CLNK: variants seen among roughly 807,000 people sequenced by gnomAD.
CLNK encodes cytokine dependent hematopoietic cell linker.
Under a neutral mutation model 68.6 loss-of-function variants are expected in CLNK, and 74 were observed. The observed-to-expected ratio is 1.08, with a 90% CI of 0.89 to 1.31. CLNK has a LOEUF of 1.31. Among genes scored for constraint, CLNK ranks in the 50% most tolerant of loss-of-function variants. The pLI is 0.00. For synonymous variants in CLNK, 198 were observed against 172.2 expected, an observed-to-expected ratio of 1.15 and a Z score of -1.17; for missense variants, 553 against 515.3, an observed-to-expected ratio of 1.07 and a Z score of -0.71.
chr4:10,713,188 G>A, the CLNK span, among the ~76,000 whole-genome samples: 1 of 152,146 alleles, frequency 6.6e-6, no homozygotes, highest in Non-Finnish European at 1.5e-5. Context: ...AAAAGTGGTG[G>A]TCACAGAGAT....
intron 3 of CLNK, among the ~76,000 whole-genome samples, chr4:10,585,389 G>A (rs1720933194): frequency 6.6e-6 from 1 of 152,208 alleles, no homozygotes; most frequent in Admixed American, 6.5e-5. Flanking sequence ...GGCAATCACC[G>A]AGTTTTGGCC....
chr4:10,667,879 C>T lies in CLNK; in HGVS notation c.-10G>A. 2 of 1,588,002 alleles carry T rather than the reference C, an allele frequency of 1.3e-6. No homozygotes were observed. The highest frequency in any genetic ancestry group is 1.7e-6 in the Non-Finnish European group (2 of 1,165,494). ...CTTACTGCCTGTTCATAGTTCTTGG[C>T]ACCTGGCGGGTAAGAGGGATCTTCA... is the stretch of plus-strand genomic sequence containing the variant. On this transcript the variant is annotated 5_prime_UTR_variant, in exon 2 of 19. Transcript: ENST00000226951.
At chr4:10,522,852 G>A (rs1718137680) in intron 14 of CLNK, among the ~76,000 whole-genome samples, 1 of 152,210 alleles carries the variant, frequency 6.6e-6, no homozygotes, top group South Asian at 2.1e-4. Flanking sequence ...TCTCAGGAAA[G>A]GCTCTGTGGG....
At chr4:10,705,945 C>T in the CLNK span, among the ~76,000 whole-genome samples, 1 of 152,236 alleles carries the variant, frequency 6.6e-6, no homozygotes, top group South Asian at 2.1e-4. Flanking sequence ...TTCAGCATCA[C>T]TGCTTAAATA....
At chr4:10,561,664 T>C (rs559509866) in intron 7 of CLNK, among the ~76,000 whole-genome samples, 1 of 152,326 alleles carries the variant, frequency 6.6e-6, no homozygotes, top group South Asian at 2.1e-4. Flanking sequence ...CTGGCCACGC[T>C]TTATGCTCTG....
Position 10,648,488 on chromosome 4 carries a change from A to C in CLNK, c.11+19371T>G, listed in dbSNP as rs535443139. ...TGTGGTCTGGTTTATTTCAAGGCTT[A>C]ATCTCTTCTCACATAATCTCTTGTC... is the stretch of plus-strand genomic sequence containing the variant. On this transcript the variant is annotated intron_variant, in intron 2 of 18. Coordinates refer to ENST00000226951, the MANE Select transcript of CLNK (RefSeq NM_052964.4). Among the ~76,000 whole-genome samples, 8 of 152,326 alleles carry C rather than the reference A, an allele frequency of 5.3e-5. No homozygotes were observed. In the South Asian group the frequency reaches 1.0e-3, roughly 20 times the overall value.
At chr4:10,508,718 T>C (rs1266862755) in intron 16 of CLNK, among the ~76,000 whole-genome samples, 1 of 152,148 alleles carries the variant, frequency 6.6e-6, no homozygotes, top group African/African-American at 2.4e-5. Context: ...TCCTTCCTCA[T>C]TTAGTAGCAT....
intron 2 of CLNK, among the ~76,000 whole-genome samples, chr4:10,600,101 T>C (rs1479835353): frequency 6.6e-6 from 1 of 152,162 alleles, no homozygotes; most frequent in Non-Finnish European, 1.5e-5. Context: ...CCTGCTACCC[T>C]CTCTCTCTGC....
chr4:10,606,356 T>C (rs1321673593), intron 2 of CLNK, among the ~76,000 whole-genome samples: 2 of 151,994 alleles, frequency 1.3e-5, no homozygotes, highest in Non-Finnish European at 2.9e-5. Context: ...CATGGAGTTG[T>C]CATTTCCTGT....
At chr4:10,501,724 T>G (rs2109025270) in intron 17 of CLNK, among the ~76,000 whole-genome samples, 1 of 152,234 alleles carries the variant, frequency 6.6e-6, no homozygotes, top group South Asian at 2.1e-4. Flanking sequence ...GTCAGGAGTT[T>G]GAAACCAGGC....
chr4:10,592,516 T>C (rs1359984882), intron 3 of CLNK, among the ~76,000 whole-genome samples: 1 of 151,634 alleles, frequency 6.6e-6, no homozygotes, highest in Non-Finnish European at 1.5e-5. Flanking sequence ...CCTATTGAAG[T>C]TTCTTTTTCA....
intron 16 of CLNK, among the ~76,000 whole-genome samples, chr4:10,510,947 G>A (rs1194838914): frequency 6.6e-6 from 1 of 152,244 alleles, no homozygotes; most frequent in Admixed American, 6.5e-5. Context: ...GAGGTCAGGA[G>A]TTCAAGATCA....
intron 13 of CLNK, 117 bp from the exon 14 acceptor site, chr4:10,526,039 G>A (rs1718304420): frequency 3.2e-6 from 2 of 634,400 alleles, no homozygotes; most frequent in East Asian, 5.6e-5. Context: ...TATTAGAAGG[G>A]GGCTCTTGAT....
chr4:10,526,927 A>G (rs576824940), intron 13 of CLNK, among the ~76,000 whole-genome samples: 4 of 152,234 alleles, frequency 2.6e-5, no homozygotes, highest in Non-Finnish European at 5.9e-5. Context: ...ACCGTAAGTA[A>G]TAAAGCTAAG....
chr4:10,729,040 GT>G, the CLNK span, among the ~76,000 whole-genome samples: 6 of 152,246 alleles, frequency 3.9e-5, 1 homozygote, highest in African/African-American at 9.6e-5. Flanking sequence ...CCAGATGCAT[GT>G]TTTATATGAT....
rs1720099289 is a variant in CLNK at position 10,566,089 on chromosome 4, T to C, written c.212A>G (p.Asp71Gly). 1 of 1,613,754 alleles carries C rather than the reference T, an allele frequency of 6.2e-7. No homozygotes were observed. Among genetic ancestry groups the C allele is most frequent in the South Asian group, 1.1e-5 (1 of 91,080 alleles). ...TGTCTCTTCCATCCGAAGCTCAGGG[T>C]CATCATAGTCATCATCACTGTGGCC... is the stretch of plus-strand genomic sequence containing the variant. ...AKGHSDDDYD[D>G]PELRMEETWQ... is the part of the protein sequence containing the mutation. Residue 71 changes from aspartate (D) to glycine (G), a missense_variant, in exon 6 of 19, where the codon GAC (aspartate) becomes GGC (glycine). Transcript: ENST00000226951.
At chr4:10,724,563 A>T in the CLNK span, among the ~76,000 whole-genome samples, 1 of 151,368 alleles carries the variant, frequency 6.6e-6, no homozygotes, top group African/African-American at 2.4e-5. Context: ...GCTGTATGGT[A>T]AGGGCTTAGA....
chr4:10,687,721 T>C (rs1354465490), upstream of CLNK, among the ~76,000 whole-genome samples: 2 of 152,156 alleles, frequency 1.3e-5, no homozygotes, highest in Non-Finnish European at 2.9e-5. Context: ...AGAGGCTCAA[T>C]CTCAGGCCAG....
the CLNK span, among the ~76,000 whole-genome samples, chr4:10,717,091 T>C: frequency 6.6e-6 from 1 of 152,016 alleles, no homozygotes; most frequent in Non-Finnish European, 1.5e-5. Context: ...TCACTTTGCT[T>C]GTTTGAAATG....
Sources: allele counts gnomAD v4.1 joint callset (sites outside exome capture counted in the v4.1 genomes callset), GRCh38; gene constraint gnomAD v4.1.1; transcripts MANE v1.5; gene names NCBI Gene and HGNC (gene_info 2026-07-23, HGNC 2026-07-21).